Variants in SLC30A10 observed in about 807,000 individuals in gnomAD.
SLC30A10 encodes the protein calcium/manganese antiporter SLC30A10.
In SLC30A10, 8 loss-of-function variants were observed where a neutral mutation model predicts 21.7. The ratio of observed to expected loss-of-function variants is 0.37; its 90% CI spans 0.22 to 0.67. SLC30A10 has a LOEUF of 0.67. SLC30A10 is among the 30% of genes least tolerant of loss of function. The probability of loss-of-function intolerance (pLI) is 0.58; values close to 1 mark genes in which losing one functional copy is unlikely to be tolerated. For synonymous variants in SLC30A10, 272 were observed against 279.4 expected, an observed-to-expected ratio of 0.97 and a Z score of 0.26; for missense variants, 521 against 642.5, an observed-to-expected ratio of 0.81 and a Z score of 2.04.
Position 219,938,073 on chromosome 1 carries a change from A to G in SLC30A10, n.81-10968T>C, listed in dbSNP as rs145519755. ...GCCTTTTTTGCTGGTTCCTTTTTTA[A>G]CTTTTTCTTTGTAGTATCTCTATGT... On this transcript the variant is annotated intron_variant and non_coding_transcript_variant, in intron 1 of 8. Transcript: ENST00000484239. Among the ~76,000 whole-genome samples, 42 of 151,798 alleles carry G rather than the reference A, an allele frequency of 2.8e-4. No individual in the cohort carries two copies. The East Asian group carries it at 7.5e-3, about 27-fold the overall frequency.
chr1:219,928,751 G>A (rs1317426609), upstream of SLC30A10: 1 of 320,754 alleles, frequency 3.1e-6, no homozygotes, highest in Non-Finnish European at 5.6e-6. This position sits in a 1 kb window ranked among gnomAD's most constrained non-coding sequence, Gnocchi z 6.3. Context: ...CTCTCTTTGT[G>A]GGACAGGACT....
Position 219,911,672 on chromosome 1 carries a change from T to C in SLC30A10, c.*3777A>G, listed in dbSNP as rs1377496625. Among the ~76,000 whole-genome samples the C allele has an allele frequency of 6.6e-6, 1 of 152,224 alleles. No individual in the cohort carries two copies. Among genetic ancestry groups the C allele is most frequent in the African/African-American group, 2.4e-5 (1 of 41,450 alleles). On this transcript the variant is annotated 3_prime_UTR_variant, in exon 4 of 4. Coordinates refer to ENST00000366926, the MANE Select transcript of SLC30A10 (RefSeq NM_018713.3). ...TATGTGGAAACAACTGCAATTTTTA[T>C]GAATAGGCTGGTCTTGCCTTTAAAA...
At chr1:219,955,779 G>A (rs1395035557) in intron 1 of SLC30A10, among the ~76,000 whole-genome samples, 1 of 152,192 alleles carries the variant, frequency 6.6e-6, no homozygotes, top group Non-Finnish European at 1.5e-5. Flanking sequence ...CATGAAGCCA[G>A]GCGGTACCAG....
chr1:219,927,154 A>G (rs773355115), intron 1 of SLC30A10, 49 bp from the exon 2 acceptor site: 1 of 1,589,552 alleles, frequency 6.3e-7, no homozygotes, highest in Non-Finnish European at 8.6e-7. Context: ...CTACAAACAA[A>G]CAAAAAAAAA....
chr1:219,913,474 T>G lies in SLC30A10; in HGVS notation c.*1975A>C, dbSNP rs1245195486. Reference sequence around the variant, plus strand: ...AAAGGCAGAATGATGTGAAATCAAATTAGACCTTCAAATTTGGAAGTCAGA... The same window carrying G: ...AAAGGCAGAATGATGTGAAATCAAAGTAGACCTTCAAATTTGGAAGTCAGA... On this transcript the variant is annotated 3_prime_UTR_variant, in exon 4 of 4. Transcript: ENST00000366926. The G allele has an allele frequency of 6.6e-6, 1 of 152,218 alleles. No individual in the cohort carries two copies. The highest frequency in any genetic ancestry group is 1.5e-5 in the Non-Finnish European group (1 of 68,038). 9.4% of individuals were successfully genotyped at this position (152,218 alleles called of 1,614,324 possible).
chr1:219,950,847 C>CT (rs1451217794), intron 1 of SLC30A10, among the ~76,000 whole-genome samples: 1 of 152,092 alleles, frequency 6.6e-6, no homozygotes, highest in Non-Finnish European at 1.5e-5. Flanking sequence ...ACTCAGAAGG[C>CT]TGAGGCAGGA....
In SLC30A10 at chr1:219,913,509, C is replaced by CT. The variant is rs1388186313; in HGVS notation, c.*1939dup. 6.6e-6 allele frequency: 1 copy of CT among 152,104 alleles called. No individual in the cohort carries two copies. Among genetic ancestry groups the CT allele is most frequent in the African/African-American group, 2.4e-5 (1 of 41,422 alleles). 9.4% of individuals were successfully genotyped at this position (152,104 alleles called of 1,614,324 possible). A position where few individuals can be genotyped will look rare whatever the true frequency, so the allele number is the denominator to read the frequency against. ...AAATTTGGAAGTCAGAGAAAAATTT[C>CT]TTTTTTGGCTCTAAGGAATTTCAAC... On this transcript the variant is annotated 3_prime_UTR_variant, in exon 4 of 4. Transcript: ENST00000366926.
At chr1:219,950,346 T>C (rs1427614378) in intron 1 of SLC30A10, among the ~76,000 whole-genome samples, 1 of 152,196 alleles carries the variant, frequency 6.6e-6, no homozygotes, top group African/African-American at 2.4e-5. Context: ...ACAAGAGCCT[T>C]CTTAAAAATC....
rs1451210032 is a variant in SLC30A10 at position 219,912,929 on chromosome 1, G to T, written c.*2520C>A. On this transcript the variant is annotated 3_prime_UTR_variant, in exon 4 of 4. Transcript: ENST00000366926. ...TTCTGTAAATAACCTAAGTATACAG[G>T]AGCACCAAACTGAGTGCCAGTGTTT... 6.6e-6 allele frequency among the ~76,000 whole-genome samples: 1 copy of T among 152,154 alleles called. No individual in the cohort carries two copies. The highest frequency in any genetic ancestry group is 2.4e-5 in the African/African-American group (1 of 41,426).
At chr1:219,924,487 C>T (rs1002764672) in intron 2 of SLC30A10, among the ~76,000 whole-genome samples, 27 of 152,320 alleles carry the variant, frequency 1.8e-4, no homozygotes, top group African/African-American at 6.3e-4. Flanking sequence ...ATTCTGTGAT[C>T]CTTCCCTGAA....
In SLC30A10 at chr1:219,928,521, C is replaced by T. The variant is rs897621908; in HGVS notation, c.-81G>A. The T allele has an allele frequency of 6.8e-6, 9 of 1,333,050 alleles. No homozygotes were observed. Among genetic ancestry groups the T allele is most frequent in the Admixed American group, 3.6e-5 (1 of 27,898 alleles). The allele number at this position is 1,333,050 out of a possible 1,614,324, so 82.6% of individuals were successfully genotyped here. On this transcript the variant is annotated 5_prime_UTR_variant, in exon 1 of 4. Coordinates refer to ENST00000366926, the MANE Select transcript of SLC30A10 (RefSeq NM_018713.3). The surrounding 1 kb of genome is among the most constrained non-coding windows in gnomAD (Gnocchi z 6.3). ...GCGCAGCCACAGGTGGGGGGCGCGG[C>T]GCGGATCCGTGAGGCCCGGTACCCG...
intron 1 of SLC30A10, among the ~76,000 whole-genome samples, chr1:219,937,246 T>C (rs1381644197): frequency 6.6e-6 from 1 of 152,224 alleles, no homozygotes; most frequent in Non-Finnish European, 1.5e-5. Flanking sequence ...CCTCAGGCTT[T>C]TTCTGCCTAG....
chr1:219,945,878 G>A (rs1660180779), intron 1 of SLC30A10, among the ~76,000 whole-genome samples: 1 of 152,172 alleles, frequency 6.6e-6, no homozygotes, highest in African/African-American at 2.4e-5. Context: ...ATGCCCTGAA[G>A]GAATGGCATC....
chr1:219,948,735 T>C (rs538633639), intron 1 of SLC30A10, among the ~76,000 whole-genome samples: 1 of 152,180 alleles, frequency 6.6e-6, no homozygotes, highest in African/African-American at 2.4e-5. Flanking sequence ...CCAAAAGCAA[T>C]GGCAACAAAA....
intron 1 of SLC30A10, among the ~76,000 whole-genome samples, chr1:219,944,117 A>G (rs1271036127): frequency 6.7e-6 from 1 of 150,090 alleles, no homozygotes; most frequent in Non-Finnish European, 1.5e-5. Flanking sequence ...AAAACCTTCA[A>G]TGGGGCTCTT....
chr1:219,956,156 A>G (rs1660346341), intron 1 of SLC30A10, among the ~76,000 whole-genome samples: 1 of 152,080 alleles, frequency 6.6e-6, no homozygotes, highest in Non-Finnish European at 1.5e-5. Flanking sequence ...AAACACTAAA[A>G]TTTCTTTTCT....
At position 219,927,125 on chromosome 1, in the gene SLC30A10, CTTGTG is replaced by C; in HGVS notation, c.641-25_641-21del. The C allele has an allele frequency of 1.2e-6, 2 of 1,613,094 alleles. No homozygotes were observed. Among genetic ancestry groups the C allele is most frequent in the East Asian group, 2.2e-5 (1 of 44,834 alleles). Reference sequence around the variant, plus strand: ...AATCACCTGCATTCAAAGAAGAAACCTTGTGTTGTGTATAAGTTCTACAAACAAAC... The same window carrying C: ...AATCACCTGCATTCAAAGAAGAAACCTTGTGTATAAGTTCTACAAACAAAC... On this transcript the variant is annotated intron_variant, in intron 1 of 3. Coordinates refer to ENST00000366926, the MANE Select transcript of SLC30A10 (RefSeq NM_018713.3).
intron 2 of SLC30A10, among the ~76,000 whole-genome samples, chr1:219,926,097 T>C (rs1028234156): frequency 1.3e-5 from 2 of 152,208 alleles, no homozygotes; most frequent in Non-Finnish European, 2.9e-5. Flanking sequence ...TAAATTTGTT[T>C]GATTAATTTA....
At chr1:219,943,014 T>A (rs1660140574) in intron 1 of SLC30A10, among the ~76,000 whole-genome samples, 1 of 152,024 alleles carries the variant, frequency 6.6e-6, no homozygotes, top group Non-Finnish European at 1.5e-5. Context: ...CACTGCACTC[T>A]AGCCTCAGTG....
Sources: allele counts gnomAD v4.1 joint callset (sites outside exome capture counted in the v4.1 genomes callset), GRCh38; gene constraint gnomAD v4.1.1; non-coding constraint Gnocchi (gnomAD v3.1); transcripts MANE v1.5; gene names NCBI Gene and HGNC (gene_info 2026-07-23, HGNC 2026-07-21).